WDFY1: variants seen among roughly 807,000 people sequenced by gnomAD.
WDFY1 encodes WD repeat and FYVE domain containing 1.
A neutral mutation model predicts 56.4 loss-of-function variants in WDFY1; 32 were observed. The observed-to-expected ratio is 0.57, with a 90% CI of 0.43 to 0.76. The LOEUF is 0.76. Among genes scored for constraint, WDFY1 ranks in the 30% least tolerant of loss-of-function variants. The pLI is 0.00. For synonymous variants in WDFY1, 192 were observed against 197.3 expected (o/e 0.97, Z 0.23); for missense variants, 480 against 545.7 (o/e 0.88, Z 1.20).
chr2:223,924,649 C>T (rs909635699), intron 1 of WDFY1, among the ~76,000 whole-genome samples: 2 of 152,176 alleles, frequency 1.3e-5, no homozygotes, highest in African/African-American at 2.4e-5. Context: ...CAGGTGTGAG[C>T]CACCGCACCT....
At chr2:223,898,856 C>A in intron 6 of WDFY1, 102 bp downstream of exon 6, 2 of 859,646 alleles carry the variant, frequency 2.3e-6, no homozygotes, top group South Asian at 1.6e-5. Context: ...TGAAATCTGA[C>A]AGATCATGAG....
At chr2:223,895,440 A>G in intron 7 of WDFY1, 64 bp downstream of exon 7, 1 of 1,611,088 alleles carries the variant, frequency 6.2e-7, no homozygotes, top group Non-Finnish European at 8.5e-7. Flanking sequence ...TCAGACTATT[A>G]ATGCCTTTCA....
At position 223,882,091 on chromosome 2, in the gene WDFY1, G is replaced by A. The variant is rs1234774581; in HGVS notation, c.934-19C>T. 12 of 1,609,340 alleles carry A rather than the reference G, an allele frequency of 7.5e-6. No individual in the cohort carries two copies. The highest frequency in any genetic ancestry group is 9.3e-6 in the Non-Finnish European group (11 of 1,177,392). ...AGTGATGCTTCACAGGTGACCGGGA[G>A]GAGGAAAACAGGGTGTTAGCTTTCG... is the stretch of plus-strand genomic sequence containing the variant. On this transcript the variant is annotated intron_variant, in intron 9 of 11. Transcript: ENST00000233055.
chr2:223,878,726 C>A lies in WDFY1; in HGVS notation c.1178G>T (p.Trp393Leu), dbSNP rs1693013423. 3 of 1,609,496 alleles carry A rather than the reference C, an allele frequency of 1.9e-6. No homozygotes were observed. Among genetic ancestry groups the A allele is most frequent in the Non-Finnish European group, 2.5e-6 (3 of 1,177,304 alleles). ...GCAGCCCACCACAGGTGTCATGTCC[C>A]AGATCTACAAGGAAGGAAGAAACGC... ...TCGTDRIVKI[W>L]DMTPVVGCSL... The change falls in exon 12 of 12, where the codon TGG becomes TTG. Residue 393 changes from tryptophan (W) to leucine (L), a missense_variant. Physicochemically the swap from Trp to Leu is moderately conservative, Grantham distance 61 (BLOSUM62 -2). Coordinates refer to ENST00000233055, the MANE Select transcript of WDFY1 (RefSeq NM_020830.5).
rs1350649508 is a variant in WDFY1, at chr2:223,926,813, G to A, written c.138-8803C>T. Reference sequence around the variant, plus strand: ...CTCCTGAGCAGCTGGACTTACAGATGTGCAAAACTGTGCCTGGCTAATTTT... The same window carrying A: ...CTCCTGAGCAGCTGGACTTACAGATATGCAAAACTGTGCCTGGCTAATTTT... On this transcript the variant is annotated intron_variant, in intron 1 of 11. Coordinates refer to ENST00000233055, the MANE Select transcript of WDFY1 (RefSeq NM_020830.5). Among the ~76,000 whole-genome samples, 5 of 152,214 alleles carry A rather than the reference G, an allele frequency of 3.3e-5. No individual in the cohort carries two copies. In the East Asian group the frequency reaches 9.7e-4, roughly 29 times the overall value.
chr2:223,929,925 T>C (rs1263012540), intron 1 of WDFY1, among the ~76,000 whole-genome samples: 3 of 152,236 alleles, frequency 2.0e-5, no homozygotes, highest in Non-Finnish European at 4.4e-5. Context: ...AGCAGCCTTA[T>C]GTGGTAAGTA....
At chr2:223,903,207 C>T (rs1159793865) in intron 4 of WDFY1, among the ~76,000 whole-genome samples, 2 of 152,150 alleles carry the variant, frequency 1.3e-5, no homozygotes, top group African/African-American at 2.4e-5. Context: ...GAAACCTATG[C>T]TGCCTTATAG....
intron 5 of WDFY1, among the ~76,000 whole-genome samples, chr2:223,900,423 G>A (rs547074979): frequency 6.6e-6 from 1 of 152,294 alleles, no homozygotes; most frequent in East Asian, 1.9e-4. Flanking sequence ...AACTCTGAGA[G>A]AGAAACTACT....
intron 2 of WDFY1, among the ~76,000 whole-genome samples, chr2:223,912,673 C>T (rs538980): frequency 0.86 from 131,493 of 152,104 alleles, 57,317 homozygotes; most frequent in Non-Finnish European, 0.93. Context: ...GAGGTCATCC[C>T]GCCCCTGCCA....
At chr2:223,892,889 A>G (rs1693302457) in intron 8 of WDFY1, among the ~76,000 whole-genome samples, 1 of 152,266 alleles carries the variant, frequency 6.6e-6, no homozygotes, top group Non-Finnish European at 1.5e-5. Context: ...CCCGACTGTA[A>G]GGACACCCTG....
intron 3 of WDFY1, among the ~76,000 whole-genome samples, chr2:223,907,548 G>T (rs1693618106): frequency 2.0e-5 from 3 of 152,098 alleles, no homozygotes; most frequent in Admixed American, 2.0e-4. Context: ...ATCCTATAAT[G>T]ACAGTCTCCC....
chr2:223,897,379 TATATATATATA>T (rs1693405949), intron 6 of WDFY1, among the ~76,000 whole-genome samples: 4 of 42,424 alleles, frequency 9.4e-5, no homozygotes, highest in East Asian at 3.7e-4. Context: ...TATATATATA[TATATATATATA>T]TTTTTTAAGA....
intron 1 of WDFY1, among the ~76,000 whole-genome samples, chr2:223,919,173 C>G (rs1693847975): frequency 6.6e-6 from 1 of 152,132 alleles, no homozygotes; most frequent in African/African-American, 2.4e-5. Flanking sequence ...CCTTACTGTC[C>G]CCACTGCCAA....
intron 9 of WDFY1, 150 bp downstream of exon 9, chr2:223,884,498 A>T (rs1170013876): frequency 1.3e-6 from 1 of 741,992 alleles, no homozygotes. Flanking sequence ...GGTCTTCCTC[A>T]TTGTTAGTCA....
chr2:223,880,083 C>CA lies in WDFY1; in HGVS notation c.1173+40dup, dbSNP rs1175631631. On this transcript the variant is annotated intron_variant, in intron 11 of 11. Coordinates refer to ENST00000233055, the MANE Select transcript of WDFY1 (RefSeq NM_020830.5). ...TGCACATTCACAGCATGGTAATAGG[C>CA]AATCTCAACTGAGATGCTGACAGAC... 2.0e-6 allele frequency: 3 copies of CA among 1,530,938 alleles called. No individual in the cohort carries two copies. The Admixed American group carries it at 5.0e-5, about 26-fold the overall frequency. The allele number at this position is 1,530,938 out of a possible 1,614,324, so 94.8% of individuals were successfully genotyped here.
At chr2:223,942,527 C>CT (rs57223015) in intron 1 of WDFY1, among the ~76,000 whole-genome samples, 1,095 of 74,240 alleles carry the variant, frequency 0.015, 117 homozygotes, top group African/African-American at 0.059. Flanking sequence ...CAAAGGCTAA[C>CT]TTTTTTTTTT....
chr2:223,896,154 TCAA>T (rs1336790417), intron 6 of WDFY1, among the ~76,000 whole-genome samples: 3 of 6,558 alleles, frequency 4.6e-4, no homozygotes, highest in Non-Finnish European at 2.6e-4. Context: ...AGACTCTGTC[TCAA>T]AAAAAAAAAA....
rs77956621 is a variant in WDFY1, at chr2:223,927,088, C to A, written c.138-9078G>T. Among the ~76,000 whole-genome samples the A allele has an allele frequency of 2.7e-4, 41 of 152,264 alleles. No individual in the cohort carries two copies. In the East Asian group the frequency reaches 7.9e-3, roughly 29 times the overall value. ...ATGTTGTCATCCAGGCTTTGTTGTT[C>A]CATTTATAGAGCACATGGCAAAGTA... On this transcript the variant is annotated intron_variant, in intron 1 of 11. Coordinates refer to ENST00000233055, the MANE Select transcript of WDFY1 (RefSeq NM_020830.5).
At chr2:223,884,458 T>C (rs950481121) in intron 9 of WDFY1, among the ~76,000 whole-genome samples, 190 bp downstream of exon 9, 15 of 152,232 alleles carry the variant, frequency 9.9e-5, no homozygotes, top group Middle Eastern at 3.4e-3. Context: ...AATGGAAAAG[T>C]GAGGTAACAG....
Sources: allele counts gnomAD v4.1 joint callset (sites outside exome capture counted in the v4.1 genomes callset), GRCh38; gene constraint gnomAD v4.1.1; transcripts MANE v1.5; gene names NCBI Gene and HGNC (gene_info 2026-07-23, HGNC 2026-07-21).